GRID2: variants seen among roughly 807,000 people sequenced by gnomAD.
The protein encoded by GRID2 is glutamate receptor ionotropic, delta-2.
GRID2 carries 33 observed loss-of-function variants against 114.8 expected under a neutral mutation model. That is an observed-to-expected ratio of 0.29 (90% CI 0.22 to 0.38). The LOEUF is 0.38. Among genes scored for constraint, GRID2 ranks in the 10% least tolerant of loss-of-function variants. The pLI is 1.00. For synonymous variants in GRID2, 505 were observed against 449.9 expected, an observed-to-expected ratio of 1.12 and a Z score of -1.55; for missense variants, 1,184 against 1,257.7, an observed-to-expected ratio of 0.94 and a Z score of 0.89.
At chr4:92,677,237 T>C (rs1428608361) in intron 2 of GRID2, among the ~76,000 whole-genome samples, 1 of 152,150 alleles carries the variant, frequency 6.6e-6, no homozygotes, top group Admixed American at 6.5e-5. Flanking sequence ...TTCCACAATG[T>C]TGCACACTTA....
intron 2 of GRID2, among the ~76,000 whole-genome samples, chr4:92,824,589 A>AC (rs1578244550): frequency 6.6e-6 from 1 of 152,110 alleles, no homozygotes; most frequent in East Asian, 1.9e-4. Flanking sequence ...CTCTTTTAAA[A>AC]AACTAAAGAA....
chr4:92,502,511 GA>G (rs575465667), intron 1 of GRID2, among the ~76,000 whole-genome samples: 63 of 152,096 alleles, frequency 4.1e-4, no homozygotes, highest in African/African-American at 1.5e-3. Context: ...TGATACATTA[GA>G]AAGAAATGTT....
intron 8 of GRID2, among the ~76,000 whole-genome samples, chr4:93,325,465 C>A (rs534902975): frequency 1.3e-5 from 2 of 152,056 alleles, no homozygotes; most frequent in South Asian, 4.1e-4. Flanking sequence ...CATCTCTTAA[C>A]CTGTTTTTCA....
chr4:92,381,010 C>T (rs1489614860), intron 1 of GRID2, among the ~76,000 whole-genome samples: 1 of 151,802 alleles, frequency 6.6e-6, no homozygotes, highest in East Asian at 1.9e-4. Context: ...CTTTTCCCTC[C>T]AATATTATTT....
intron 2 of GRID2, among the ~76,000 whole-genome samples, chr4:92,938,139 AG>A (rs1560720843): frequency 6.8e-6 from 1 of 146,920 alleles, no homozygotes; most frequent in African/African-American, 2.4e-5. Context: ...AATATGGTAT[AG>A]TACATTGATT....
At chr4:93,403,365 A>T (rs970778163) in intron 9 of GRID2, among the ~76,000 whole-genome samples, 4 of 152,120 alleles carry the variant, frequency 2.6e-5, no homozygotes, top group Non-Finnish European at 5.9e-5. Flanking sequence ...AGTTCCATGG[A>T]CCCACTCCCC....
intron 1 of GRID2, among the ~76,000 whole-genome samples, chr4:92,587,573 A>G (rs1728508858): frequency 6.6e-6 from 1 of 152,194 alleles, no homozygotes; most frequent in African/African-American, 2.4e-5. Context: ...AGAAAAAAGT[A>G]AATAAATAAC....
chr4:92,820,319 G>T (rs1741191254), intron 2 of GRID2, among the ~76,000 whole-genome samples: 1 of 152,110 alleles, frequency 6.6e-6, no homozygotes. Context: ...GTGCAATGCT[G>T]TGAACTCGAT....
intron 13 of GRID2, among the ~76,000 whole-genome samples, chr4:93,581,014 TATACAC>T (rs1183021384): frequency 6.6e-6 from 1 of 151,968 alleles, no homozygotes; most frequent in Non-Finnish European, 1.5e-5. Flanking sequence ...GTTATATAGG[TATACAC>T]GTGCCATGGT....
chr4:93,089,077 T>C (rs1298764569), intron 3 of GRID2, among the ~76,000 whole-genome samples: 1 of 152,086 alleles, frequency 6.6e-6, no homozygotes, highest in Non-Finnish European at 1.5e-5. Flanking sequence ...TTTTTACAAA[T>C]GAAAAAGCTG....
At chr4:93,010,701 C>G (rs429518) in intron 2 of GRID2, among the ~76,000 whole-genome samples, 26 of 152,198 alleles carry the variant, frequency 1.7e-4, no homozygotes, top group African/African-American at 2.6e-4. Context: ...TTGCCTGAAA[C>G]TCCAGAGGAT....
chr4:92,651,974 G>A (rs1250305132), intron 2 of GRID2, among the ~76,000 whole-genome samples: 2 of 152,110 alleles, frequency 1.3e-5, no homozygotes, highest in African/African-American at 4.8e-5. Context: ...GAAAAAGAAG[G>A]CATGTGTCAG....
intron 2 of GRID2, among the ~76,000 whole-genome samples, chr4:93,009,604 CAT>C (rs1185001655): frequency 9.2e-5 from 14 of 152,096 alleles, no homozygotes; most frequent in African/African-American, 3.4e-4. Context: ...TTTATTCTAA[CAT>C]ATGTAGTTGA....
intron 2 of GRID2, among the ~76,000 whole-genome samples, chr4:92,626,202 C>A (rs570045943): frequency 3.6e-4 from 54 of 152,038 alleles, no homozygotes; most frequent in Middle Eastern, 3.4e-3. Flanking sequence ...ATGGGGGTAT[C>A]TATAATCAGA....
intron 2 of GRID2, among the ~76,000 whole-genome samples, chr4:92,637,005 A>AT (rs1354465023): frequency 6.6e-6 from 1 of 151,868 alleles, no homozygotes; most frequent in Non-Finnish European, 1.5e-5. Context: ...TCAGCCTAAT[A>AT]TTTTTTATTT....
intron 2 of GRID2, among the ~76,000 whole-genome samples, chr4:92,816,091 G>A (rs1401014424): frequency 3.3e-5 from 5 of 151,358 alleles, no homozygotes; most frequent in Non-Finnish European, 7.4e-5. Context: ...CAAGGCAGGT[G>A]GATCACCTGA....
intron 1 of GRID2, among the ~76,000 whole-genome samples, chr4:92,413,884 C>T (rs1194831995): frequency 6.6e-6 from 1 of 151,802 alleles, no homozygotes; most frequent in East Asian, 1.9e-4. Context: ...GAGGAACACA[C>T]TAGATTGTGC....
At chr4:93,783,847 C>G (rs573164249) in intron 1 of GRID2, among the ~76,000 whole-genome samples, 123 of 151,716 alleles carry the variant, frequency 8.1e-4, no homozygotes, top group African/African-American at 2.9e-3. Flanking sequence ...CCGAGGTGGG[C>G]GGATCACGAG....
intron 2 of GRID2, among the ~76,000 whole-genome samples, chr4:92,944,450 C>T (rs760624080): frequency 2.0e-5 from 3 of 152,258 alleles, no homozygotes; most frequent in Non-Finnish European, 4.4e-5. Flanking sequence ...GGGAGTGACC[C>T]GATTTTCCAG....
Sources: gnomAD v4.1 joint callset for allele counts (sites outside exome capture counted in the v4.1 genomes callset) on GRCh38, gnomAD v4.1.1 for gene constraint, MANE v1.5 for transcripts, NCBI Gene and HGNC (gene_info 2026-07-23, HGNC 2026-07-21) for gene names.